NRG4: variants seen among roughly 807,000 people sequenced by gnomAD.
NRG4 encodes the protein neuregulin 4.
NRG4 carries 10 observed loss-of-function variants against 15.0 expected under a neutral mutation model. The ratio of observed to expected loss-of-function variants is 0.67; its 90% CI spans 0.41 to 1.13. NRG4 has a LOEUF of 1.13. Among genes scored for constraint, NRG4 ranks in the 50% most tolerant of loss-of-function variants. NRG4 has a pLI of 0.00. For missense variants in NRG4, 139 were observed against 140.2 expected, an observed-to-expected ratio of 0.99 and a Z score of 0.04; for synonymous variants, 41 against 50.1, an observed-to-expected ratio of 0.82 and a Z score of 0.77.
chr15:76,045,420 T>C lies in NRG4; in HGVS notation c.-105+6647A>G, dbSNP rs945749987. ...ACCATATGACCCAGCAATTGCACTC[T>C]GAGATATACACCCAAAAGAAAGGAA... On this transcript the variant is annotated intron_variant, in intron 4 of 8. Transcript: ENST00000563910. 1.9e-4 allele frequency among the ~76,000 whole-genome samples: 28 copies of C among 150,922 alleles called. 3 individuals are homozygous for C. Among genetic ancestry groups the C allele is most frequent in the African/African-American group, 6.9e-4 (28 of 40,460 alleles).
chr15:75,938,192 GAAGA>G (rs778130832), downstream of NRG4: 13 of 152,206 alleles, frequency 8.5e-5, no homozygotes, highest in Non-Finnish European at 1.6e-4. Flanking sequence ...GACATAAAAG[GAAGA>G]GAGACTTCAG....
chr15:75,956,855 T>A lies in NRG4; in HGVS notation c.252-844A>T, dbSNP rs956659592. ...TTGAAAGCACATTTCCAAGTTCACA[T>A]GGTCACTACAGGACAGCCTAGATCT... On this transcript the variant is annotated intron_variant, in intron 4 of 5. Transcript: ENST00000394907. 2.0e-5 allele frequency among the ~76,000 whole-genome samples: 3 copies of A among 152,218 alleles called. No homozygotes were observed. In the South Asian group the frequency reaches 6.2e-4, roughly 32 times the overall value.
chr15:76,022,933 G>T (rs930172044), intron 5 of NRG4, among the ~76,000 whole-genome samples: 1 of 152,052 alleles, frequency 6.6e-6, no homozygotes, highest in Non-Finnish European at 1.5e-5. Context: ...TTAGGACAAA[G>T]AGAAAGATAA....
At chr15:76,014,479 T>G (rs1415143440), upstream of NRG4, among the ~76,000 whole-genome samples, 1 of 152,124 alleles carries the variant, frequency 6.6e-6, no homozygotes, top group African/African-American at 2.4e-5. Context: ...GGCTTTACGT[T>G]TTAGGTGTAT....
intron 5 of NRG4, among the ~76,000 whole-genome samples, chr15:75,946,160 G>T (rs2031490931): frequency 6.6e-6 from 1 of 152,196 alleles, no homozygotes; most frequent in African/African-American, 2.4e-5. Context: ...AGGTCAGCGG[G>T]AGATTTCATC....
intron 5 of NRG4, among the ~76,000 whole-genome samples, chr15:76,019,696 G>A (rs1016461164): frequency 1.3e-5 from 2 of 152,094 alleles, no homozygotes; most frequent in African/African-American, 2.4e-5. Flanking sequence ...CCATCCCAAT[G>A]AGATAAGCCA....
intron 4 of NRG4, among the ~76,000 whole-genome samples, chr15:75,956,603 C>CA (rs960474517): frequency 1.3e-5 from 2 of 152,096 alleles, no homozygotes; most frequent in Non-Finnish European, 2.9e-5. Flanking sequence ...AAAATGAATT[C>CA]AAAATCACTT....
upstream of NRG4, among the ~76,000 whole-genome samples, chr15:76,015,201 A>G (rs2034937819): frequency 6.6e-6 from 1 of 152,208 alleles, no homozygotes; most frequent in Non-Finnish European, 1.5e-5. Flanking sequence ...TTGTATCCTG[A>G]GACTTTGCTG....
At chr15:76,015,696 T>G (rs957311604), upstream of NRG4, among the ~76,000 whole-genome samples, 7 of 152,198 alleles carry the variant, frequency 4.6e-5, no homozygotes, top group Non-Finnish European at 8.8e-5. Flanking sequence ...GGGATGAAGC[T>G]GACTTGATCG....
intron 3 of NRG4, among the ~76,000 whole-genome samples, chr15:75,994,233 C>T (rs2034129601): frequency 6.6e-6 from 1 of 152,156 alleles, no homozygotes; most frequent in South Asian, 2.1e-4. Context: ...TTTTCTTAGC[C>T]TTACCTGGGC....
intron 3 of NRG4, among the ~76,000 whole-genome samples, chr15:75,993,330 G>A (rs2034092048): frequency 7.3e-6 from 1 of 137,036 alleles, no homozygotes; most frequent in Admixed American, 7.7e-5. Context: ...TTCTCCTTCT[G>A]GGTTCCCAAT....
chr15:76,023,588 C>T (rs1273912305), intron 5 of NRG4, among the ~76,000 whole-genome samples: 1 of 152,148 alleles, frequency 6.6e-6, no homozygotes, highest in East Asian at 1.9e-4. Flanking sequence ...CAACCCCCAC[C>T]TATCCTGTGA....
intron 5 of NRG4, among the ~76,000 whole-genome samples, chr15:76,030,158 C>G (rs764593916): frequency 6.6e-6 from 1 of 152,106 alleles, no homozygotes; most frequent in Admixed American, 6.6e-5. Flanking sequence ...ACTCAGGAGG[C>G]TGAGGCAGGA....
At chr15:76,022,447 C>A (rs1278647220) in intron 5 of NRG4, among the ~76,000 whole-genome samples, 1 of 152,000 alleles carries the variant, frequency 6.6e-6, no homozygotes, top group African/African-American at 2.4e-5. Flanking sequence ...CACACACACA[C>A]ACACACACAA....
In NRG4 at chr15:75,961,828, C is replaced by T; in HGVS notation, c.251G>A (p.Arg84Lys). 1 of 1,606,104 alleles carries T rather than the reference C, an allele frequency of 6.2e-7. No homozygotes were observed. The highest frequency in any genetic ancestry group is 1.1e-5 in the South Asian group (1 of 89,300). Residue 84 changes from arginine to lysine, a missense_variant and splice_region_variant, in exon 4 of 6, where the codon AGG becomes AAG. Physicochemically the swap from Arg to Lys is conservative, Grantham distance 26. Coordinates refer to ENST00000394907, the MANE Select transcript of NRG4 (RefSeq NM_138573.4). ...LIIGAFYFLCRKGHFQRASSV... is the reference protein window; with the variant it reads ...LIIGAFYFLCKKGHFQRASSV... ...AAAAGCATGTTTCTATTTTACTTACCTGCAAAGGAAGTAGAAGGCTCCAAT... is the reference window on the plus strand; with the variant it reads ...AAAAGCATGTTTCTATTTTACTTACTTGCAAAGGAAGTAGAAGGCTCCAAT...
chr15:76,004,089 T>TA (rs1464069987), intron 3 of NRG4, among the ~76,000 whole-genome samples: 2 of 152,242 alleles, frequency 1.3e-5, no homozygotes, highest in Non-Finnish European at 2.9e-5. Context: ...GTTTATGTTT[T>TA]GTGGCACACA....
At chr15:75,997,758 G>A (rs1203404617) in intron 3 of NRG4, among the ~76,000 whole-genome samples, 1 of 152,156 alleles carries the variant, frequency 6.6e-6, no homozygotes, top group East Asian at 1.9e-4. Flanking sequence ...CTGACACCTG[G>A]AGAACATGGC....
chr15:75,988,812 C>G (rs989825536), intron 3 of NRG4, among the ~76,000 whole-genome samples: 2 of 150,688 alleles, frequency 1.3e-5, no homozygotes, highest in Admixed American at 1.3e-4. Context: ...TGAATTTATC[C>G]CACAGGGTGG....
Position 75,980,150 on chromosome 15 carries a change from T to C in NRG4, c.105-18176A>G, listed in dbSNP as rs377150659. 5.9e-4 allele frequency among the ~76,000 whole-genome samples: 90 copies of C among 152,282 alleles called. 1 individual carries two copies. The highest frequency in any genetic ancestry group is 1.9e-3 in the African/African-American group (81 of 41,564). On this transcript the variant is annotated intron_variant, in intron 3 of 5. Transcript: ENST00000394907. ...GCTTAAAAAGGTCTACAAACTAGAA[T>C]TGAACAAGAACCATGTTCAGTAGTA... is the stretch of plus-strand genomic sequence containing the variant.
Sources: gnomAD v4.1 joint callset for allele counts (sites outside exome capture counted in the v4.1 genomes callset) on GRCh38, gnomAD v4.1.1 for gene constraint, MANE v1.5 for transcripts, NCBI Gene and HGNC (gene_info 2026-07-23, HGNC 2026-07-21) for gene names.